The following SPTB variants were observed in gnomAD, a reference collection of about 807,000 sequenced individuals.
SPTB encodes the protein spectrin beta, erythrocytic, also known as spectrin beta chain, erythrocytic.
SPTB carries 45 observed loss-of-function variants against 256.2 expected under a neutral mutation model. The observed-to-expected ratio is 0.18, with a 90% CI of 0.14 to 0.23. The LOEUF (loss-of-function observed/expected upper bound fraction) is 0.23, where lower values mean the gene tolerates loss of function less well. SPTB is among the 10% of genes least tolerant of loss of function. The pLI, the probability that SPTB is intolerant of heterozygous loss-of-function variation, is 1.00. For synonymous variants in SPTB, 1,231 were observed against 1,243.1 expected (o/e 0.99, Z 0.21); for missense variants, 2,715 against 3,040.4 (o/e 0.89, Z 2.52).
At position 64,782,817 on chromosome 14, in the gene SPTB, TA is replaced by T. The variant is rs58435859; in HGVS notation, c.4003-265del. 0.014 allele frequency among the ~76,000 whole-genome samples: 1,689 copies of T among 122,942 alleles called. 7 individuals are homozygous for T. The highest frequency in any genetic ancestry group is 0.025 in the Middle Eastern group (6 of 238). 80.7% of individuals were successfully genotyped at this position (122,942 alleles called of 152,430 possible). On this transcript the variant is annotated intron_variant, in intron 19 of 35. Coordinates refer to ENST00000644917, the MANE Select transcript of SPTB (RefSeq NM_001355436.2). ...TACATTAACACAATAGTTGATGAGT[TA>T]AAAAAAAAAAAAAAAAGCCTGTGCA...
At chr14:64,829,548 T>C (rs183668816) in intron 1 of SPTB, among the ~76,000 whole-genome samples, 3 of 152,318 alleles carry the variant, frequency 2.0e-5, no homozygotes, top group Admixed American at 1.3e-4. Flanking sequence ...AAATGAATTT[T>C]TGTTTTGCAA....
chr14:64,769,458 A>T, intron 28 of SPTB, 132 bp downstream of exon 28: 1 of 1,283,716 alleles, frequency 7.8e-7, no homozygotes, highest in South Asian at 1.3e-5. Flanking sequence ...TGTAGCCCCG[A>T]TCTCCATGAG....
At chr14:64,856,361 G>C (rs566381816) in intron 1 of SPTB, among the ~76,000 whole-genome samples, 1 of 152,296 alleles carries the variant, frequency 6.6e-6, no homozygotes, top group African/African-American at 2.4e-5. Context: ...TGTAGGGAGA[G>C]AGGAGCTCAC....
chr14:64,784,102 T>G, intron 19 of SPTB, 145 bp downstream of exon 19: 1 of 1,214,698 alleles, frequency 8.2e-7, no homozygotes, highest in Non-Finnish European at 1.2e-6. Flanking sequence ...GCTCTGAAGG[T>G]TTAGCTACTA....
At chr14:64,791,342 C>T (rs2082667296) in intron 15 of SPTB, among the ~76,000 whole-genome samples, 1 of 151,996 alleles carries the variant, frequency 6.6e-6, no homozygotes, top group African/African-American at 2.4e-5. Flanking sequence ...CCGAGGTGGG[C>T]AGATCGCTTG....
Position 64,845,146 on chromosome 14 carries a change from T to C in SPTB, c.-51-22001A>G, listed in dbSNP as rs2083669420. Among the ~76,000 whole-genome samples the C allele has an allele frequency of 6.6e-6, 1 of 152,240 alleles. No homozygotes were observed. The highest frequency in any genetic ancestry group is 6.5e-5 in the Admixed American group (1 of 15,288). ...TCCTCCTATCCTCACTATCTGGGCA[T>C]GGCAGAACTAGCCTGCTCCCTGTCA... On this transcript the variant is annotated intron_variant, in intron 1 of 35. Transcript: ENST00000644917. The surrounding 1 kb of genome is among the most constrained non-coding windows in gnomAD (Gnocchi z 4.8).
chr14:64,766,347 T>G, intron 32 of SPTB: 7 of 1,205,828 alleles, frequency 5.8e-6, no homozygotes, highest in South Asian at 4.0e-5. Context: ...GAGGAAGGAG[T>G]TGGAAAATGG....
rs768406720 is a variant in SPTB at position 64,801,435 on chromosome 14, C to A, written c.648-35G>T. On this transcript the variant is annotated intron_variant, in intron 6 of 35. Transcript: ENST00000644917. ...AAACTGGACTGTGAAAAGGGAGTAG[C>A]CACAGCATCCCCACCAGGAGGGCAG... The A allele has an allele frequency of 3.4e-6, 5 of 1,491,444 alleles. No individual in the cohort carries two copies. In the African/African-American group the frequency reaches 5.5e-5, roughly 16 times the overall value. 92.4% of individuals were successfully genotyped at this position (1,491,444 alleles called of 1,614,324 possible).
At chr14:64,794,887 G>A (rs964708662) in intron 12 of SPTB, among the ~76,000 whole-genome samples, 1 of 152,230 alleles carries the variant, frequency 6.6e-6, no homozygotes, top group African/African-American at 2.4e-5. Context: ...GCCTGGCCAT[G>A]TGTATTTTCA....
At chr14:64,769,838 C>T (rs2082252032) in intron 27 of SPTB, 110 bp from the exon 28 acceptor site, 2 of 1,464,688 alleles carry the variant, frequency 1.4e-6, no homozygotes, top group Admixed American at 3.4e-5. Context: ...TGTGACCGTG[C>T]TCCCTCCTCT....
chr14:64,749,274 C>A lies in SPTB; in HGVS notation c.*32G>T. 6.5e-7 allele frequency: 1 copy of A among 1,550,134 alleles called. No homozygotes were observed. Among genetic ancestry groups the A allele is most frequent in the Non-Finnish European group, 8.7e-7 (1 of 1,152,888 alleles). On this transcript the variant is annotated 3_prime_UTR_variant, in exon 36 of 36. Coordinates refer to ENST00000644917, the MANE Select transcript of SPTB (RefSeq NM_001355436.2). This position sits in a 1 kb window ranked among gnomAD's most constrained non-coding sequence, Gnocchi z 4.7. ...CCTGGGCTGCCCGGTCTCTGCGCGT[C>A]CCGACTCCGCCGCGCCCGCCAGCCC...
intron 32 of SPTB, chr14:64,757,311 G>A (rs2082028399): frequency 6.6e-6 from 1 of 152,058 alleles, no homozygotes. Flanking sequence ...TTAGAAAACT[G>A]TCCTCTGAAA....
rs1299907206 is a variant in SPTB at position 64,827,417 on chromosome 14, TC to T, written c.-51-4273del. Among the ~76,000 whole-genome samples, 2 of 152,200 alleles carry T rather than the reference TC, an allele frequency of 1.3e-5. No individual in the cohort carries two copies. The highest frequency in any genetic ancestry group is 2.4e-5 in the African/African-American group (1 of 41,444). On this transcript the variant is annotated intron_variant, in intron 1 of 35. Coordinates refer to ENST00000644917, the MANE Select transcript of SPTB (RefSeq NM_001355436.2). The surrounding 1 kb of genome is among the most constrained non-coding windows in gnomAD (Gnocchi z 4.6). ...TGCTCCTTCCACTGTATTGTTATCTTCTCTCTAGCTGTAAGGTTTGACCCCC... is the reference window on the plus strand; with the variant it reads ...TGCTCCTTCCACTGTATTGTTATCTTTCTCTAGCTGTAAGGTTTGACCCCC...
chr14:64,799,630 T>C lies in SPTB; in HGVS notation c.1064+117A>G, dbSNP rs147324530. The C allele has an allele frequency of 3.4e-4, 422 of 1,227,088 alleles. No homozygotes were observed. The African/African-American group carries it at 5.2e-3, about 15-fold the overall frequency. The allele number at this position is 1,227,088 out of a possible 1,614,324, so 76.0% of individuals were successfully genotyped here. The stretch of plus-strand genomic sequence containing the variant: ...GGCAGGTGACACACATACAGCTCTC[T>C]AATCTTGAGGGTGTGCCTTGTGGAC... On this transcript the variant is annotated intron_variant, in intron 9 of 35. Coordinates refer to ENST00000644917, the MANE Select transcript of SPTB (RefSeq NM_001355436.2).
At position 64,746,919 on chromosome 14, in the gene SPTB, C is replaced by A. The variant is rs1594726134; in HGVS notation, c.*2387G>T. On this transcript the variant is annotated 3_prime_UTR_variant, in exon 36 of 36. Coordinates refer to ENST00000644917, the MANE Select transcript of SPTB (RefSeq NM_001355436.2). The surrounding 1 kb of genome is among the most constrained non-coding windows in gnomAD (Gnocchi z 4.9). ...AAAAAAAAAAAAGACCTTGCTAGGG[C>A]ACTGGGAGAGCTTAGCCCTGGTGTG... 1 of 152,108 alleles carries A rather than the reference C, an allele frequency of 6.6e-6. No individual in the cohort carries two copies. The highest frequency in any genetic ancestry group is 1.9e-4 in the East Asian group (1 of 5,178). The allele number at this position is 152,108 out of a possible 1,614,324, so 9.4% of individuals were successfully genotyped here. A position where few individuals can be genotyped will look rare whatever the true frequency, so the allele number is the denominator to read the frequency against.
At position 64,772,576 on chromosome 14, in the gene SPTB, G is replaced by A. The variant is rs372593234; in HGVS notation, c.5553+4C>T. On this transcript the variant is annotated splice_donor_region_variant and intron_variant, in intron 26 of 35. Coordinates refer to ENST00000644917, the MANE Select transcript of SPTB (RefSeq NM_001355436.2). The surrounding 1 kb of genome is among the most constrained non-coding windows in gnomAD (Gnocchi z 5.4). ...GCAGGTGGGCGGCAGGGGGCTGAAG[G>A]TACCTGGACACCCAGCAGGTGGAGC... 1.6e-4 allele frequency: 260 copies of A among 1,605,194 alleles called. No individual in the cohort carries two copies. Among genetic ancestry groups the A allele is most frequent in the Non-Finnish European group, 2.1e-4 (249 of 1,179,876 alleles).
chr14:64,767,150 G>T (rs533150213), intron 31 of SPTB, among the ~76,000 whole-genome samples, 153 bp downstream of exon 31: 1 of 152,190 alleles, frequency 6.6e-6, no homozygotes, highest in Non-Finnish European at 1.5e-5. Flanking sequence ...GGTCCTCTGC[G>T]CTCATGCTCA....
rs189312779 is a variant in SPTB at position 64,825,846 on chromosome 14, G to A, written c.-51-2701C>T. Among the ~76,000 whole-genome samples, 3 of 152,206 alleles carry A rather than the reference G, an allele frequency of 2.0e-5. No homozygotes were observed. The highest frequency in any genetic ancestry group is 2.1e-4 in the South Asian group (1 of 4,830). On this transcript the variant is annotated intron_variant, in intron 1 of 35. Coordinates refer to ENST00000644917, the MANE Select transcript of SPTB (RefSeq NM_001355436.2). The surrounding 1 kb of genome is among the most constrained non-coding windows in gnomAD (Gnocchi z 4.8). ...CCCGGGTGCAGAAGAGCAGCGGCTC[G>A]ACAGCAATTCATCCTGCTTAAAAAT...
rs746858620 is a variant in SPTB, at chr14:64,769,660, C to T, written c.5867G>A (p.Ser1956Asn). ...CTCCAGGCAGGCACTGAAGTTCTTG[C>T]TCCGGGTTTCAATCTCTGCATTGAT... ...QGINAEIETR[S>N]KNFSACLELG... The change falls in exon 28 of 36, where the codon AGC becomes AAC. Residue 1956 changes from serine (S) to asparagine (N), a missense_variant. Ser to Asn is a conservative substitution (Grantham distance 46, BLOSUM62 1). Coordinates refer to ENST00000644917, the MANE Select transcript of SPTB (RefSeq NM_001355436.2). The T allele has an allele frequency of 6.2e-7, 1 of 1,614,192 alleles. No homozygotes were observed. Among genetic ancestry groups the T allele is most frequent in the Non-Finnish European group, 8.5e-7 (1 of 1,180,050 alleles).
Sources: gnomAD v4.1 joint callset for allele counts (sites outside exome capture counted in the v4.1 genomes callset) on GRCh38, gnomAD v4.1.1 for gene constraint, Gnocchi (gnomAD v3.1) non-coding constraint, MANE v1.5 for transcripts, NCBI Gene and HGNC (gene_info 2026-07-23, HGNC 2026-07-21) for gene names.